Variants in SRGAP2 observed in about 807,000 individuals in gnomAD.
SRGAP2 encodes the protein SLIT-ROBO Rho GTPase-activating protein 2.
A neutral mutation model predicts 57.2 loss-of-function variants in SRGAP2; 15 were observed. The ratio of observed to expected loss-of-function variants is 0.26; its 90% CI spans 0.18 to 0.40. SRGAP2 has a LOEUF of 0.40. Ranked by LOEUF, SRGAP2 falls within the 10% of genes least tolerant of loss-of-function variation. SRGAP2 has a pLI of 1.00. For missense variants in SRGAP2, 520 were observed against 669.6 expected (o/e 0.78, Z 2.47); for synonymous variants, 249 against 248.0 (o/e 1.00, Z -0.04).
intron 2 of SRGAP2, among the ~76,000 whole-genome samples, chr1:206,282,289 C>A (rs1169985984): frequency 4.5e-5 from 1 of 22,080 alleles, no homozygotes; most frequent in African/African-American, 2.2e-4. Flanking sequence ...TGGATTTGAA[C>A]AGTAGGATGT....
At chr1:206,432,999 G>A (rs987808155) in intron 14 of SRGAP2, among the ~76,000 whole-genome samples, 1 of 152,202 alleles carries the variant, frequency 6.6e-6, no homozygotes, top group South Asian at 2.1e-4. Flanking sequence ...AACATTGGAA[G>A]TATTTCTCCT....
At chr1:206,335,361 C>G (rs1553333411) in intron 3 of SRGAP2, among the ~76,000 whole-genome samples, 3 of 152,138 alleles carry the variant, frequency 2.0e-5, no homozygotes, top group African/African-American at 7.2e-5. Context: ...GGTCCCAGGT[C>G]TACAGAAGCT....
rs1478515962 is a variant in SRGAP2, at chr1:206,372,956, TTTTCTTTCC to T, written c.424-11049_424-11041del. Among the ~76,000 whole-genome samples the T allele has an allele frequency of 2.2e-4, 2 of 9,226 alleles. 1 individual carries two copies. Among genetic ancestry groups the T allele is most frequent in the Non-Finnish European group, 4.0e-4 (2 of 5,020 alleles). 6.1% of individuals were successfully genotyped at this position (9,226 alleles called of 152,430 possible). On this transcript the variant is annotated intron_variant, in intron 4 of 22. Transcript: ENST00000573034. ...CTTTCTTTCTTTCTTTCTTTCTTTC[TTTTCTTTCC>T]TTTCTTTCTTTCTTTCTTTCTTTCT...
chr1:206,372,951 CTTTCTTTTCTTTCCTTTCTTT>C (rs1469408635), intron 4 of SRGAP2, among the ~76,000 whole-genome samples: 174 of 11,342 alleles, frequency 0.015, 17 homozygotes, highest in African/African-American at 0.035. Context: ...TTCTTTCTTT[CTTTCTTTTCTTTCCTTTCTTT>C]CTTTCTTTCT....
Position 206,218,145 on chromosome 1 carries a change from T to G in SRGAP2, c.67+12108T>G, listed in dbSNP as rs1571592260. ...CCAACATGGTGAAACCCTGTCTCTA[T>G]TAAAAATACAAAAATTAGCTGGGCA... is the stretch of plus-strand genomic sequence containing the variant. On this transcript the variant is annotated intron_variant, in intron 2 of 22. Transcript: ENST00000573034. Among the ~76,000 whole-genome samples, 5 of 152,036 alleles carry G rather than the reference T, an allele frequency of 3.3e-5. No homozygotes were observed. In the South Asian group the frequency reaches 1.0e-3, roughly 32 times the overall value.
At chr1:206,425,250 A>G (rs1489296330) in intron 13 of SRGAP2, among the ~76,000 whole-genome samples, 1 of 152,228 alleles carries the variant, frequency 6.6e-6, no homozygotes. Flanking sequence ...ATTTATATTA[A>G]TACACAATAA....
intron 1 of SRGAP2, chr1:206,205,073 G>A (rs1220863779): frequency 1.3e-5 from 2 of 151,942 alleles, no homozygotes; most frequent in Non-Finnish European, 2.9e-5. Context: ...GGGGGTCTGG[G>A]GCCACGTCGG....
chr1:206,414,628 AC>A (rs60581821), intron 10 of SRGAP2, among the ~76,000 whole-genome samples: 6,594 of 151,900 alleles, frequency 0.043, 288 homozygotes, highest in African/African-American at 0.11. Flanking sequence ...GCAAACTAAG[AC>A]CCCCAAGAAA....
intron 19 of SRGAP2, 81 bp downstream of exon 19, chr1:206,450,546 G>T: frequency 2.8e-6 from 2 of 718,074 alleles, no homozygotes; most frequent in South Asian, 1.5e-5. Context: ...TGCATCTGAT[G>T]AACCTGTCTG....
At chr1:206,340,871 GTATATT>G (rs1675136667) in intron 3 of SRGAP2, among the ~76,000 whole-genome samples, 1 of 149,570 alleles carries the variant, frequency 6.7e-6, no homozygotes. Flanking sequence ...CTCTCAGCTG[GTATATT>G]TTTGATTTCC....
At chr1:206,444,781 C>T (rs1209438117) in intron 17 of SRGAP2, among the ~76,000 whole-genome samples, 2 of 152,226 alleles carry the variant, frequency 1.3e-5, no homozygotes, top group African/African-American at 4.8e-5. Flanking sequence ...TTAAGAACTC[C>T]TGTGAAGCAA....
intron 18 of SRGAP2, among the ~76,000 whole-genome samples, chr1:206,447,858 G>A (rs1662899792): frequency 1.3e-5 from 2 of 152,360 alleles, no homozygotes; most frequent in South Asian, 4.1e-4. Context: ...GGAGGGGTGT[G>A]GCTCACGGGG....
At chr1:206,373,014 TTTCTTTCTTTC>T (rs1654824147) in intron 4 of SRGAP2, among the ~76,000 whole-genome samples, 1 of 120,278 alleles carries the variant, frequency 8.3e-6, no homozygotes, top group African/African-American at 3.1e-5. Context: ...TCTTTCTTTC[TTTCTTTCTTTC>T]TTTTCTTTCT....
At chr1:206,440,688 AG>A (rs1490569216) in intron 17 of SRGAP2, among the ~76,000 whole-genome samples, 1 of 151,928 alleles carries the variant, frequency 6.6e-6, no homozygotes, top group African/African-American at 2.4e-5. Flanking sequence ...GCTGGGACCC[AG>A]GCGCATGCCA....
At chr1:206,252,321 G>A (rs1394870824) in intron 2 of SRGAP2, among the ~76,000 whole-genome samples, 8 of 151,630 alleles carry the variant, frequency 5.3e-5, no homozygotes, top group Non-Finnish European at 7.4e-5. Context: ...TGCCTTAGAC[G>A]CAAGCAAAAA....
At chr1:206,417,342 G>T (rs1318122717) in intron 11 of SRGAP2, among the ~76,000 whole-genome samples, 1 of 150,744 alleles carries the variant, frequency 6.6e-6, no homozygotes, top group Non-Finnish European at 1.5e-5. Flanking sequence ...GACCTCAGGT[G>T]ATCCACCCAC....
Position 206,302,566 on chromosome 1 carries a change from C to G in SRGAP2, c.68-715C>G, listed in dbSNP as rs1671935250. On this transcript the variant is annotated intron_variant, in intron 2 of 22. Transcript: ENST00000573034. ...TAGTGAAAAAAATCTCTTTCCAAGTCTTCTTAAAAAATGATTTTCATTCTG... is the reference window on the plus strand; with the variant it reads ...TAGTGAAAAAAATCTCTTTCCAAGTGTTCTTAAAAAATGATTTTCATTCTG... 2.6e-5 allele frequency among the ~76,000 whole-genome samples: 4 copies of G among 152,060 alleles called. 1 individual carries two copies. In the South Asian group the frequency reaches 8.3e-4, roughly 31 times the overall value.
rs1351182065 is a variant in SRGAP2 at position 206,268,069 on chromosome 1, C to CTATA, written c.68-35202_68-35199dup. 9.8e-3 allele frequency among the ~76,000 whole-genome samples: 1,427 copies of CTATA among 145,374 alleles called. 8 individuals are homozygous for CTATA. Among genetic ancestry groups the CTATA allele is most frequent in the Middle Eastern group, 0.021 (6 of 282 alleles). On this transcript the variant is annotated intron_variant, in intron 2 of 22. Coordinates refer to ENST00000573034, the MANE Select transcript of SRGAP2 (RefSeq NM_015326.5). ...CAAAAGGGCTTATGATGAACATGGACTATATATATATATTTTTTTTTTTTT... is the reference window on the plus strand; with the variant it reads ...CAAAAGGGCTTATGATGAACATGGACTATATATATATATATATTTTTTTTTTTTT...
At chr1:206,459,905 A>G (rs1420529379) in intron 22 of SRGAP2, among the ~76,000 whole-genome samples, 4 of 152,132 alleles carry the variant, frequency 2.6e-5, no homozygotes, top group Admixed American at 1.3e-4. Context: ...CTTGGCTGCA[A>G]TCTGCCTTGC....
Sources: allele counts gnomAD v4.1 joint callset (sites outside exome capture counted in the v4.1 genomes callset), GRCh38; gene constraint gnomAD v4.1.1; transcripts MANE v1.5; gene names NCBI Gene and HGNC (gene_info 2026-07-23, HGNC 2026-07-21).